UXS1: variants seen among roughly 807,000 people sequenced by gnomAD.
The protein encoded by UXS1 is UDP-glucuronate decarboxylase 1, also known as UDP-glucuronic acid decarboxylase 1.
UXS1 carries 33 observed loss-of-function variants against 62.6 expected under a neutral mutation model. The observed-to-expected ratio is 0.53, with a 90% CI of 0.40 to 0.70. The LOEUF is 0.70. Ranked by LOEUF, UXS1 falls within the 30% of genes least tolerant of loss-of-function variation. UXS1 has a pLI of 0.00. For missense variants in UXS1, 434 were observed against 556.3 expected (o/e 0.78, Z 2.21); for synonymous variants, 213 against 206.8 (o/e 1.03, Z -0.26).
intron 6 of UXS1, among the ~76,000 whole-genome samples, chr2:106,142,919 A>ATG (rs1435856113): frequency 1.0e-4 from 11 of 107,584 alleles, no homozygotes; most frequent in African/African-American, 2.9e-4. Flanking sequence ...GTGTGTTTGC[A>ATG]TGTATGTGTG....
At chr2:106,139,263 C>T (rs1680901879) in intron 6 of UXS1, among the ~76,000 whole-genome samples, 1 of 152,128 alleles carries the variant, frequency 6.6e-6, no homozygotes, top group South Asian at 2.1e-4. Flanking sequence ...TTTACAAGGC[C>T]ACGTGCTGGG....
In UXS1 at chr2:106,166,103, G is replaced by A. The variant is rs756975028; in HGVS notation, c.95-20C>T. On this transcript the variant is annotated intron_variant, in intron 1 of 14. Transcript: ENST00000283148. ...AAACAGCTGTAAGAGAAAGAAAAAA[G>A]GAAGTCAATGTTTAAGTCCACAACT... is the stretch of plus-strand genomic sequence containing the variant. The A allele has an allele frequency of 3.7e-6, 6 of 1,607,848 alleles. No individual in the cohort carries two copies. The highest frequency in any genetic ancestry group is 2.2e-5 in the East Asian group (1 of 44,714).
intron 5 of UXS1, among the ~76,000 whole-genome samples, chr2:106,155,289 C>T (rs1002761113): frequency 6.6e-6 from 1 of 152,066 alleles, no homozygotes; most frequent in Non-Finnish European, 1.5e-5. Context: ...AATAAGATAT[C>T]CCTAGATAAA....
At chr2:106,140,964 C>G (rs1681051857) in intron 6 of UXS1, among the ~76,000 whole-genome samples, 1 of 152,198 alleles carries the variant, frequency 6.6e-6, no homozygotes. Context: ...TGCTCTGTAG[C>G]AGGACCCTGG....
intron 1 of UXS1, among the ~76,000 whole-genome samples, chr2:106,173,478 CAGG>C (rs752465592): frequency 6.6e-6 from 1 of 152,214 alleles, no homozygotes. Flanking sequence ...CGCTTGAGCC[CAGG>C]AGGTTGAGGC....
intron 1 of UXS1, among the ~76,000 whole-genome samples, chr2:106,193,262 G>C (rs910792929): frequency 2.6e-5 from 4 of 152,056 alleles, no homozygotes; most frequent in African/African-American, 9.7e-5. Context: ...TGTGTGTCTG[G>C]GTGGCTAGCA....
intron 1 of UXS1, among the ~76,000 whole-genome samples, chr2:106,188,345 G>A (rs1402359764): frequency 1.3e-5 from 2 of 152,132 alleles, no homozygotes; most frequent in Admixed American, 1.3e-4. Context: ...GGCGGGCAGT[G>A]GAATGGCCCA....
At chr2:106,103,268 TGA>T (rs1174799902) in intron 11 of UXS1, among the ~76,000 whole-genome samples, 2 of 152,196 alleles carry the variant, frequency 1.3e-5, no homozygotes, top group African/African-American at 4.8e-5. Flanking sequence ...CTTGAGATAA[TGA>T]GAGCAGAAAG....
chr2:106,172,284 A>C (rs1683615151), intron 1 of UXS1, among the ~76,000 whole-genome samples: 2 of 152,152 alleles, frequency 1.3e-5, no homozygotes, highest in South Asian at 4.1e-4. Context: ...CCTGCAATAA[A>C]AGGTGGAGCA....
intron 9 of UXS1, among the ~76,000 whole-genome samples, chr2:106,121,866 C>T (rs911072110): frequency 1.3e-5 from 2 of 152,198 alleles, no homozygotes; most frequent in Non-Finnish European, 2.9e-5. Context: ...GAGAGCCTAC[C>T]TGGCTTTACA....
At chr2:106,176,993 C>T (rs79412707) in intron 1 of UXS1, among the ~76,000 whole-genome samples, 118 of 152,202 alleles carry the variant, frequency 7.8e-4, no homozygotes, top group Admixed American at 2.6e-3. Flanking sequence ...TACCAATATG[C>T]CCAGGGGAAA....
At chr2:106,162,301 T>A (rs1558740714) in intron 4 of UXS1, among the ~76,000 whole-genome samples, 1 of 152,158 alleles carries the variant, frequency 6.6e-6, no homozygotes, top group African/African-American at 2.4e-5. Context: ...TGCTTCTCCA[T>A]CCAGTTTAAA....
chr2:106,179,654 A>T (rs1684117737), intron 1 of UXS1: 1 of 152,246 alleles, frequency 6.6e-6, no homozygotes, highest in South Asian at 2.1e-4. Flanking sequence ...CTTATTCAAG[A>T]AGGCTGTAAG....
chr2:106,153,803 T>A (rs1397830280), intron 5 of UXS1, among the ~76,000 whole-genome samples: 3 of 152,166 alleles, frequency 2.0e-5, no homozygotes, highest in Non-Finnish European at 4.4e-5. Flanking sequence ...CAATTGCAGT[T>A]TTTGCCATTA....
Position 106,122,869 on chromosome 2 carries a change from A to G in UXS1, c.759+101T>C, listed in dbSNP as rs947247207. The G allele has an allele frequency of 2.7e-6, 4 of 1,499,672 alleles. No individual in the cohort carries two copies. In the Admixed American group the frequency reaches 8.0e-5, roughly 30 times the overall value. 92.9% of individuals were successfully genotyped at this position (1,499,672 alleles called of 1,614,324 possible). A position where few individuals can be genotyped will look rare whatever the true frequency, so the allele number is the denominator to read the frequency against. ...CTGAGCTTCCCAAACACCTATCCCC[A>G]GACAAAATCAGTCATGGCATTCATT... On this transcript the variant is annotated intron_variant, in intron 9 of 14. Transcript: ENST00000283148.
intron 6 of UXS1, among the ~76,000 whole-genome samples, chr2:106,141,664 G>A (rs1213682154): frequency 6.6e-6 from 1 of 152,022 alleles, no homozygotes; most frequent in Non-Finnish European, 1.5e-5. Flanking sequence ...GCCCAGGCTG[G>A]TCTGGAACTC....
At chr2:106,113,709 C>CTT (rs1678820199) in intron 9 of UXS1, among the ~76,000 whole-genome samples, 1 of 152,250 alleles carries the variant, frequency 6.6e-6, no homozygotes, top group Admixed American at 6.5e-5. Context: ...CAAACGTGCA[C>CTT]TTTCTGGGCA....
chr2:106,124,698 C>T lies in UXS1; in HGVS notation c.637+922G>A, dbSNP rs974828150. On this transcript the variant is annotated intron_variant, in intron 8 of 14. Transcript: ENST00000283148. The stretch of plus-strand genomic sequence containing the variant: ...GTCACTGTTCCCCTCTGGACAGATA[C>T]CATACCCCATAGGTAGGGAGGGACA... Among the ~76,000 whole-genome samples the T allele has an allele frequency of 4.6e-5, 7 of 152,164 alleles. 1 individual carries two copies. Among genetic ancestry groups the T allele is most frequent in the East Asian group, 3.9e-4 (2 of 5,164 alleles).
At chr2:106,123,295 CAG>C (rs1330960610) in intron 8 of UXS1, among the ~76,000 whole-genome samples, 1 of 40,826 alleles carries the variant, frequency 2.4e-5, no homozygotes, top group Admixed American at 1.8e-4. Context: ...ATTTTACTTA[CAG>C]GGGAAAAAAA....
Sources: allele counts gnomAD v4.1 joint callset (sites outside exome capture counted in the v4.1 genomes callset), GRCh38; gene constraint gnomAD v4.1.1; transcripts MANE v1.5; gene names NCBI Gene and HGNC (gene_info 2026-07-23, HGNC 2026-07-21).